The following SMOC1 variants were observed in gnomAD, a reference collection of about 807,000 sequenced individuals.
SMOC1 encodes the protein SPARC related modular calcium binding 1, also known as SPARC-related modular calcium-binding protein 1.
Under a neutral mutation model 56.3 loss-of-function variants are expected in SMOC1, and 22 were observed. The observed-to-expected ratio is 0.39, with a 90% CI of 0.28 to 0.56. The LOEUF (loss-of-function observed/expected upper bound fraction) is 0.56. Among genes scored for constraint, SMOC1 ranks in the 20% least tolerant of loss-of-function variants. The probability of loss-of-function intolerance (pLI) is 0.61; values close to 1 mark genes in which losing one functional copy is unlikely to be tolerated. For missense variants in SMOC1, 509 were observed against 565.4 expected (o/e 0.90, Z 1.01); for synonymous variants, 193 against 215.0 (o/e 0.90, Z 0.89).
rs372382869 is a variant in SMOC1 at position 69,898,203 on chromosome 14, AT to A, written c.99+18433del. Among the ~76,000 whole-genome samples, 477 of 151,784 alleles carry A rather than the reference AT, an allele frequency of 3.1e-3. 2 individuals carry two copies. The highest frequency in any genetic ancestry group is 0.011 in the African/African-American group (443 of 41,370). ...GTATTTTCCTTTGGCTTCTTTCAAG[AT>A]TTTTTTCTTTATCTTTGATTTTTTT... On this transcript the variant is annotated intron_variant, in intron 1 of 11. Coordinates refer to ENST00000361956, the MANE Select transcript of SMOC1 (RefSeq NM_001034852.3).
chr14:69,990,499 A>G (rs1432457485), intron 5 of SMOC1, among the ~76,000 whole-genome samples: 1 of 152,242 alleles, frequency 6.6e-6, no homozygotes, highest in East Asian at 1.9e-4. Context: ...GTGCTGGACT[A>G]TTTAGACTGT....
Position 70,030,520 on chromosome 14 carries a change from A to G in SMOC1, c.*262A>G, listed in dbSNP as rs1886109040. ...CTTATTGTAAGTTTTTGGATCTGCTACTGACAACTTTTAGAGGGTTTTGGG... is the reference window on the plus strand; with the variant it reads ...CTTATTGTAAGTTTTTGGATCTGCTGCTGACAACTTTTAGAGGGTTTTGGG... On this transcript the variant is annotated 3_prime_UTR_variant, in exon 12 of 12. Coordinates refer to ENST00000361956, the MANE Select transcript of SMOC1 (RefSeq NM_001034852.3). 1 of 204,848 alleles carries G rather than the reference A, an allele frequency of 4.9e-6. No homozygotes were observed. Among genetic ancestry groups the G allele is most frequent in the African/African-American group, 2.6e-5 (1 of 38,246 alleles). The allele number at this position is 204,848 out of a possible 1,614,324, so 12.7% of individuals were successfully genotyped here.
intron 9 of SMOC1, among the ~76,000 whole-genome samples, chr14:70,012,074 C>G (rs1186066354): frequency 6.6e-6 from 1 of 152,240 alleles, no homozygotes; most frequent in Non-Finnish European, 1.5e-5. Context: ...TTATAGCAAT[C>G]TCTGCCTGCA....
At chr14:69,997,264 T>C (rs766238777) in intron 7 of SMOC1, among the ~76,000 whole-genome samples, 1 of 152,164 alleles carries the variant, frequency 6.6e-6, no homozygotes, top group Non-Finnish European at 1.5e-5. Context: ...CTCTTCACCA[T>C]CTCACACATA....
chr14:69,949,765 AAG>A (rs1046952047), intron 1 of SMOC1, among the ~76,000 whole-genome samples: 85 of 152,244 alleles, frequency 5.6e-4, no homozygotes, highest in African/African-American at 2.0e-3. Context: ...GGGAGCAGGG[AAG>A]AGAGAGCAAA....
In SMOC1 at chr14:69,966,864, C is replaced by T. The variant is rs576904845; in HGVS notation, c.379-8851C>T. 2.0e-5 allele frequency among the ~76,000 whole-genome samples: 3 copies of T among 152,350 alleles called. No individual in the cohort carries two copies. The South Asian group carries it at 6.2e-4, about 32-fold the overall frequency. On this transcript the variant is annotated intron_variant, in intron 3 of 11. Transcript: ENST00000361956. ...TATATCCTTGTGAAATCTTCTCTTT[C>T]AGCCAACAATTTATTTCCCCTGGCA...
At chr14:69,898,741 A>C (rs997411185) in intron 1 of SMOC1, among the ~76,000 whole-genome samples, 1 of 152,176 alleles carries the variant, frequency 6.6e-6, no homozygotes, top group Non-Finnish European at 1.5e-5. Flanking sequence ...AGTTTTAAAA[A>C]AATTCCTGAT....
At chr14:70,017,185 C>A (rs542600224) in intron 10 of SMOC1, among the ~76,000 whole-genome samples, 66 of 152,306 alleles carry the variant, frequency 4.3e-4, no homozygotes, top group Middle Eastern at 6.8e-3. Flanking sequence ...AGAGGGTCAA[C>A]CAACCACCAC....
chr14:69,995,467 T>A (rs1245455631), intron 7 of SMOC1, among the ~76,000 whole-genome samples: 1 of 152,202 alleles, frequency 6.6e-6, no homozygotes, highest in Non-Finnish European at 1.5e-5. Flanking sequence ...AAGTTGGAGA[T>A]ATGGGATGGT....
intron 7 of SMOC1, among the ~76,000 whole-genome samples, chr14:70,006,453 G>A (rs1885151034): frequency 6.6e-6 from 1 of 152,196 alleles, no homozygotes; most frequent in Admixed American, 6.5e-5. Flanking sequence ...TTACTGATTA[G>A]CATATGCATG....
At chr14:70,000,178 C>T (rs1475188044) in intron 7 of SMOC1, among the ~76,000 whole-genome samples, 1 of 152,132 alleles carries the variant, frequency 6.6e-6, no homozygotes, top group African/African-American at 2.4e-5. Flanking sequence ...GGGTCTACAT[C>T]TCATAAACAC....
Position 69,952,173 on chromosome 14 carries a change from C to G in SMOC1, c.135C>G (p.Leu45=). ...GTGACCGTGACCCACAGTGCAACCT[C>G]CACTGCTCCAGGACTCAACCCAAAC... ...LISDRDPQCN[L]HCSRTQPKPI... The change falls in exon 2 of 12, where the codon CTC becomes CTG. Residue 45 remains leucine, a synonymous_variant. Transcript: ENST00000361956. 6.2e-7 allele frequency: 1 copy of G among 1,614,194 alleles called. No individual in the cohort carries two copies. The highest frequency in any genetic ancestry group is 1.1e-5 in the South Asian group (1 of 91,084).
chr14:69,920,027 C>G (rs950040957), intron 1 of SMOC1, among the ~76,000 whole-genome samples: 1 of 151,436 alleles, frequency 6.6e-6, no homozygotes, highest in Admixed American at 6.6e-5. Context: ...GATGCATGCT[C>G]TCTCTCCTTG....
At chr14:70,008,117 ATTATTTTATT>A (rs149782299) in intron 7 of SMOC1, among the ~76,000 whole-genome samples, 60 of 151,114 alleles carry the variant, frequency 4.0e-4, no homozygotes, top group South Asian at 1.0e-3. Context: ...TATCATTTTT[ATTATTTTATT>A]TTATTTTATT....
At chr14:69,924,472 C>G (rs765085073) in intron 1 of SMOC1, among the ~76,000 whole-genome samples, 5 of 152,024 alleles carry the variant, frequency 3.3e-5, no homozygotes, top group African/African-American at 7.3e-5. Flanking sequence ...AAGTGGATAT[C>G]GAATCCCACA....
intron 1 of SMOC1, among the ~76,000 whole-genome samples, chr14:69,918,028 A>T (rs960615356): frequency 7.2e-5 from 11 of 152,198 alleles, no homozygotes; most frequent in Non-Finnish European, 1.3e-4. Context: ...ACAAAAATGT[A>T]TATATGCAGT....
intron 1 of SMOC1, among the ~76,000 whole-genome samples, chr14:69,917,031 G>T (rs546678891): frequency 6.6e-6 from 1 of 152,204 alleles, no homozygotes; most frequent in South Asian, 2.1e-4. Flanking sequence ...CTTTTAAACA[G>T]CAGGACAACT....
chr14:69,954,721 T>G (rs1200436864), intron 3 of SMOC1, among the ~76,000 whole-genome samples: 2 of 152,178 alleles, frequency 1.3e-5, no homozygotes, highest in East Asian at 1.9e-4. Flanking sequence ...ACCTGCAATT[T>G]CTTTGTCCAA....
At chr14:69,896,946 G>A (rs1288068881) in intron 1 of SMOC1, among the ~76,000 whole-genome samples, 1 of 152,222 alleles carries the variant, frequency 6.6e-6, no homozygotes, top group Non-Finnish European at 1.5e-5. Context: ...AAGACGGTGA[G>A]GAATCATAGG....
Sources: gnomAD v4.1 joint callset for allele counts (sites outside exome capture counted in the v4.1 genomes callset) on GRCh38, gnomAD v4.1.1 for gene constraint, MANE v1.5 for transcripts, NCBI Gene and HGNC (gene_info 2026-07-23, HGNC 2026-07-21) for gene names.